The following PDE4DIP variants were observed in gnomAD, a reference collection of about 807,000 sequenced individuals.
PDE4DIP encodes myomegalin.
A neutral mutation model predicts 221.4 loss-of-function variants in PDE4DIP; 59 were observed. The ratio of observed to expected loss-of-function variants is 0.27; its 90% confidence interval spans 0.22 to 0.33. PDE4DIP has a LOEUF of 0.33. Ranked by LOEUF, PDE4DIP falls within the 10% of genes least tolerant of loss-of-function variation. The pLI is 1.00. For missense variants in PDE4DIP, 1,036 were observed against 2,154.2 expected (o/e 0.48, Z 10.28); for synonymous variants, 404 against 815.9 (o/e 0.50, Z 8.60).
rs587750143 is a variant in PDE4DIP, at chr1:148,969,761, C to T, written c.1980+731C>T. ...CTCCCTCTGTCACCCAGCTGGAGTGCGATGGCGCAATCTTGGCTCACTGCA... is the reference window on the plus strand; with the variant it reads ...CTCCCTCTGTCACCCAGCTGGAGTGTGATGGCGCAATCTTGGCTCACTGCA... On this transcript the variant is annotated intron_variant, in intron 14 of 43. Transcript: ENST00000369354. Among the ~76,000 whole-genome samples the T allele has an allele frequency of 9.2e-4, 136 of 147,830 alleles. 1 individual carries two copies. The highest frequency in any genetic ancestry group is 3.2e-3 in the African/African-American group (126 of 39,864).
intron 5 of PDE4DIP, chr1:148,953,309 G>T (rs2054105117): frequency 6.2e-7 from 1 of 1,612,212 alleles, no homozygotes; most frequent in African/African-American, 1.3e-5. Flanking sequence ...GCGGGTTGCT[G>T]ATTCTGACTA....
At chr1:149,012,720 T>C (rs369459937) in exon 32 of PDE4DIP, 1 of 1,613,514 alleles carries the variant, frequency 6.2e-7, no homozygotes, top group South Asian at 1.1e-5. Context: ...ACACCAGTGG[T>C]CTCCTTGGCT....
intron 1 of PDE4DIP, among the ~76,000 whole-genome samples, chr1:148,838,569 G>A (rs1286898259): frequency 5.9e-5 from 5 of 84,772 alleles, no homozygotes; most frequent in African/African-American, 1.1e-4. Context: ...GAATGCACCC[G>A]ATCTCTTCTG....
chr1:148,923,575 G>A (rs1553463506), intron 1 of PDE4DIP, among the ~76,000 whole-genome samples: 2 of 141,354 alleles, frequency 1.4e-5, no homozygotes, highest in Non-Finnish European at 3.0e-5. Flanking sequence ...CCGGGTTCAC[G>A]CCATTCTCCT....
chr1:148,976,610 G>T (rs587756126), intron 17 of PDE4DIP, among the ~76,000 whole-genome samples: 8 of 152,234 alleles, frequency 5.3e-5, no homozygotes, highest in Admixed American at 3.3e-4. Flanking sequence ...TAAGGTCTGT[G>T]GCTCTGTGTA....
chr1:149,028,860 C>G (rs1553633091), intron 41 of PDE4DIP, among the ~76,000 whole-genome samples, 157 bp downstream of exon 44: 1 of 151,974 alleles, frequency 6.6e-6, no homozygotes, highest in African/African-American at 2.4e-5. Flanking sequence ...AGGGACATCT[C>G]TGACCCATGG....
chr1:148,923,792 C>T (rs1553463872), intron 1 of PDE4DIP, among the ~76,000 whole-genome samples: 1 of 146,222 alleles, frequency 6.8e-6, no homozygotes, highest in Non-Finnish European at 1.5e-5. Flanking sequence ...TTGTATCAGA[C>T]ATTGTGCTGG....
intron 21 of PDE4DIP, chr1:148,991,578 A>G (rs2063064350): frequency 1.0e-6 from 1 of 983,674 alleles, no homozygotes; most frequent in Admixed American, 6.1e-5. Flanking sequence ...GTGGGGAATA[A>G]TTCAGGCTTT....
At chr1:148,981,388 G>T in exon 21 of PDE4DIP, 1 of 1,614,032 alleles carries the variant, frequency 6.2e-7, no homozygotes, top group Non-Finnish European at 8.5e-7. Flanking sequence ...GACCCTGGCC[G>T]CCATTGGAGG....
chr1:148,953,601 G>C, intron 5 of PDE4DIP: 1 of 1,587,600 alleles, frequency 6.3e-7, no homozygotes, highest in South Asian at 1.1e-5. Flanking sequence ...TGTGACTGTT[G>C]TTCAGATGAT....
intron 5 of PDE4DIP, among the ~76,000 whole-genome samples, chr1:148,950,441 G>C (rs1361671014): frequency 2.0e-5 from 3 of 152,298 alleles, no homozygotes; most frequent in Non-Finnish European, 4.4e-5. Flanking sequence ...AATTACATAT[G>C]CAAAATTCTA....
At chr1:149,028,628 G>A in exon 41 of PDE4DIP, 1 of 1,605,402 alleles carries the variant, frequency 6.2e-7, no homozygotes, top group Non-Finnish European at 8.5e-7. Context: ...CCCTAGAGGA[G>A]TCAGCTTCCC....
intron 43 of PDE4DIP, among the ~76,000 whole-genome samples, chr1:149,031,732 T>G (rs1306062353): frequency 6.8e-6 from 1 of 146,808 alleles, no homozygotes; most frequent in African/African-American, 2.5e-5. Context: ...GGAGCAGGGA[T>G]CTCAGCACAC....
intron 21 of PDE4DIP, chr1:148,984,240 A>G (rs2061541147): frequency 6.6e-6 from 1 of 152,112 alleles, no homozygotes; most frequent in Non-Finnish European, 1.5e-5. Context: ...GTGTACTCTT[A>G]TCTGTCACCC....
At chr1:148,953,179 C>T (rs142956909) in intron 5 of PDE4DIP, 39 of 1,613,936 alleles carry the variant, frequency 2.4e-5, no homozygotes, top group South Asian at 1.5e-4. Flanking sequence ...AGGAGGACTT[C>T]GCCTATTCAG....
intron 1 of PDE4DIP, among the ~76,000 whole-genome samples, chr1:148,899,077 C>A (rs1473190244): frequency 8.4e-6 from 1 of 119,326 alleles, no homozygotes; most frequent in Non-Finnish European, 1.7e-5. Flanking sequence ...GGTAATCCAC[C>A]CACCTCGGCC....
At chr1:148,946,212 G>C (rs1553483428) in intron 5 of PDE4DIP, among the ~76,000 whole-genome samples, 1 of 149,372 alleles carries the variant, frequency 6.7e-6, no homozygotes, top group African/African-American at 2.5e-5. Context: ...AAAAGTTCCA[G>C]AGTCAAGGGA....
chr1:148,919,130 G>T (rs1333796663), intron 1 of PDE4DIP, among the ~76,000 whole-genome samples: 1 of 129,998 alleles, frequency 7.7e-6, no homozygotes, highest in Non-Finnish European at 1.6e-5. Flanking sequence ...GAAAGGTAGA[G>T]ATTGTGCATT....
At chr1:149,017,996 C>G in intron 34 of PDE4DIP, 117 bp downstream of exon 37, 1 of 809,576 alleles carries the variant, frequency 1.2e-6, no homozygotes, top group Non-Finnish European at 2.0e-6. Flanking sequence ...GGGAGGTGGG[C>G]AAGTACTGTC....
Sources: gnomAD v4.1 joint callset for allele counts (sites outside exome capture counted in the v4.1 genomes callset) on GRCh38, gnomAD v4.1.1 for gene constraint, MANE v1.5 for transcripts, NCBI Gene and HGNC (gene_info 2026-07-23, HGNC 2026-07-21) for gene names.